Variants in TMLHE observed in about 807,000 individuals in gnomAD.
TMLHE encodes the protein trimethyllysine hydroxylase, epsilon.
In TMLHE, 18 loss-of-function variants were observed where a neutral mutation model predicts 25.7. That is an observed-to-expected ratio of 0.70 (90% CI 0.48 to 1.04). The LOEUF is 1.04. Among genes scored for constraint, TMLHE ranks in the 50% least tolerant of loss-of-function variants. The pLI is 0.00. For synonymous variants in TMLHE, 105 were observed against 97.0 expected (o/e 1.08, Z -0.49); for missense variants, 236 against 259.0 (o/e 0.91, Z 0.61).
intron 3 of TMLHE, among the ~76,000 whole-genome samples, chrX:155,522,598 C>G (rs1275727377): frequency 5.4e-5 from 6 of 112,136 alleles, no homozygotes; most frequent in African/African-American, 1.9e-4. Context: ...AATCTGTTCT[C>G]TACCTCTATA....
At chrX:155,560,978 G>C (rs114801012) in intron 1 of TMLHE, among the ~76,000 whole-genome samples, 3,592 of 60,799 alleles carry the variant, frequency 0.059, 563 homozygotes, top group African/African-American at 0.12. Flanking sequence ...TACAGTACTG[G>C]ATTTATTGAA....
At chrX:155,568,583 C>T (rs781893484) in intron 1 of TMLHE, among the ~76,000 whole-genome samples, 1 of 62,338 alleles carries the variant, frequency 1.6e-5, no homozygotes, top group African/African-American at 3.6e-5. Flanking sequence ...GGAGGCACCC[C>T]CCAGTAGGGG....
intron 1 of TMLHE, among the ~76,000 whole-genome samples, chrX:155,546,112 T>C (rs1202569801): frequency 9.0e-6 from 1 of 110,777 alleles, no homozygotes; most frequent in African/African-American, 3.3e-5. Flanking sequence ...TCTTCCTTTG[T>C]AAAATGAGGT....
chrX:155,541,024 GA>G (rs2067307152), intron 2 of TMLHE, among the ~76,000 whole-genome samples: 2 of 110,758 alleles, frequency 1.8e-5, no homozygotes, highest in Admixed American at 9.6e-5. Flanking sequence ...GAAAAATTAA[GA>G]AAAAATTCCC....
rs1182034817 is a variant in TMLHE at position 155,511,776 on chromosome X, T to C, written c.655A>G (p.Arg219Gly). 7.7e-6 allele frequency: 9 copies of C among 1,176,411 alleles called. No individual in the cohort carries two copies. Among genetic ancestry groups the C allele is most frequent in the African/African-American group, 5.3e-5 (3 of 56,646 alleles). ...ISLIRETIYG[R>G]MWYFTSDFSR... ...AAGTCTGAAGTGAAATACCACATCC[T>C]CCCATAAATGGTTTCTCTGTTAGTT... The change falls in exon 5 of 8, where the codon AGG (arginine) becomes GGG (glycine). Residue 219 changes from arginine to glycine, a missense_variant. Physicochemically the swap from Arg to Gly is moderately radical, Grantham distance 125. Around this residue, in one of 2 missense-constraint regions of TMLHE, gnomAD observed 217 missense variants for 214.6 expected, o/e 1.01. Coordinates refer to ENST00000334398, the MANE Select transcript of TMLHE (RefSeq NM_018196.4).
chrX:155,544,624 G>T (rs1306128961), intron 2 of TMLHE, among the ~76,000 whole-genome samples: 3 of 112,164 alleles, frequency 2.7e-5, no homozygotes, highest in Non-Finnish European at 5.6e-5. Flanking sequence ...CATAGGTAAA[G>T]TATTCCCTCC....
At chrX:155,564,818 C>G (rs782683957) in intron 1 of TMLHE, among the ~76,000 whole-genome samples, 1 of 61,888 alleles carries the variant, frequency 1.6e-5, no homozygotes, top group African/African-American at 3.6e-5. Context: ...CTAACATATA[C>G]TTTACCATCA....
At chrX:155,537,072 T>C (rs1321697618) in intron 2 of TMLHE, among the ~76,000 whole-genome samples, 1 of 112,093 alleles carries the variant, frequency 8.9e-6, no homozygotes, top group Middle Eastern at 4.2e-3. Flanking sequence ...TTTACACTCC[T>C]TTCTCCTGCC....
At chrX:155,531,295 G>C (rs1416333331) in intron 2 of TMLHE, among the ~76,000 whole-genome samples, 1 of 111,926 alleles carries the variant, frequency 8.9e-6, no homozygotes, top group Non-Finnish European at 1.9e-5. Flanking sequence ...TTTGGCTCAT[G>C]GTTCTGCAGG....
At chrX:155,603,358 A>AAAAGAATG (rs2067767328) in intron 1 of TMLHE, among the ~76,000 whole-genome samples, 1 of 72,015 alleles carries the variant, frequency 1.4e-5, no homozygotes, top group Admixed American at 1.8e-4. Flanking sequence ...AGAAGAAAAG[A>AAAAGAATG]AAAGAAAGAA....
At chrX:155,577,420 A>G (rs1557343928) in intron 1 of TMLHE, among the ~76,000 whole-genome samples, 1 of 110,178 alleles carries the variant, frequency 9.1e-6, no homozygotes, top group African/African-American at 3.3e-5. Flanking sequence ...TCTACTAAAA[A>G]TAAAAAAAAT....
intron 1 of TMLHE, among the ~76,000 whole-genome samples, chrX:155,551,725 G>A (rs1557340088): frequency 9.1e-6 from 1 of 109,952 alleles, no homozygotes; most frequent in African/African-American, 3.4e-5. Flanking sequence ...TACAATAACA[G>A]TTTTAATGTC....
chrX:155,511,954 G>C (rs943613134), intron 4 of TMLHE, among the ~76,000 whole-genome samples, 162 bp from the exon 5 acceptor site: 1 of 111,509 alleles, frequency 9.0e-6, no homozygotes, highest in Non-Finnish European at 1.9e-5. Context: ...GAACATGCTA[G>C]TCTTGACAAT....
chrX:155,610,673 T>G (rs2067813676), intron 1 of TMLHE, among the ~76,000 whole-genome samples: 1 of 111,006 alleles, frequency 9.0e-6, no homozygotes, highest in Non-Finnish European at 1.9e-5. Context: ...AAATAAAAAT[T>G]TTTAAATCAA....
chrX:155,525,292 C>T (rs1379228881), intron 2 of TMLHE, among the ~76,000 whole-genome samples: 19 of 111,536 alleles, frequency 1.7e-4, no homozygotes, highest in Admixed American at 1.0e-3. Flanking sequence ...AGTGTGTACA[C>T]TTCTGCCTTC....
At chrX:155,605,719 T>A in intron 1 of TMLHE, among the ~76,000 whole-genome samples, 1 of 111,777 alleles carries the variant, frequency 8.9e-6, no homozygotes, top group South Asian at 3.8e-4. Flanking sequence ...AACAACATGA[T>A]GCCAGGATCA....
At chrX:155,542,523 C>T (rs2067318920) in intron 2 of TMLHE, among the ~76,000 whole-genome samples, 1 of 111,560 alleles carries the variant, frequency 9.0e-6, no homozygotes, top group African/African-American at 3.3e-5. Context: ...TCCTAAAAGT[C>T]ATACGGAATC....
At chrX:155,606,799 C>CA (rs59056895) in intron 1 of TMLHE, among the ~76,000 whole-genome samples, 16,186 of 78,369 alleles carry the variant, frequency 0.21, 1,569 homozygotes, top group East Asian at 0.28. Flanking sequence ...CACAGAAATA[C>CA]AAAAAAAAAA....
chrX:155,518,420 G>T (rs1269469843), intron 3 of TMLHE, among the ~76,000 whole-genome samples: 3 of 93,080 alleles, frequency 3.2e-5, no homozygotes, highest in Non-Finnish European at 6.4e-5. Context: ...GATTCGGTTT[G>T]CCAGTATTTT....
Sources: allele counts gnomAD v4.1 joint callset (sites outside exome capture counted in the v4.1 genomes callset), GRCh38; gene constraint gnomAD v4.1.1; regional missense constraint gnomAD v4.1.1; transcripts MANE v1.5; gene names NCBI Gene and HGNC (gene_info 2026-07-23, HGNC 2026-07-21).